CDKAL1: variants seen among roughly 807,000 people sequenced by gnomAD.
The protein encoded by CDKAL1 is CDKAL1 threonylcarbamoyladenosine tRNA methylthiotransferase.
In CDKAL1, 32 loss-of-function variants were observed where a neutral mutation model predicts 68.2. The observed-to-expected ratio is 0.47, with a 90% confidence interval of 0.35 to 0.63. The LOEUF is 0.63. Among genes scored for constraint, CDKAL1 ranks in the 30% least tolerant of loss-of-function variants. The pLI is 0.00. For synonymous variants in CDKAL1, 234 were observed against 244.3 expected, an observed-to-expected ratio of 0.96 and a Z score of 0.39; for missense variants, 606 against 696.7, an observed-to-expected ratio of 0.87 and a Z score of 1.47.
At chr6:20,537,824 TTTA>T (rs1286821776) in intron 2 of CDKAL1, among the ~76,000 whole-genome samples, 13 of 152,198 alleles carry the variant, frequency 8.5e-5, no homozygotes, top group Admixed American at 2.6e-4. Context: ...CTGCTTTCCT[TTTA>T]TTCTCAAACT....
intron 4 of CDKAL1, among the ~76,000 whole-genome samples, chr6:20,570,207 G>A (rs905528145): frequency 9.9e-5 from 15 of 152,000 alleles, no homozygotes; most frequent in South Asian, 6.2e-4. Flanking sequence ...GGGTTCAAGC[G>A]ATTCTCCTGC....
Position 20,548,680 on chromosome 6 carries a change from A to G in CDKAL1, c.261A>G (p.Leu87=), listed in dbSNP as rs1375453339. The part of the protein sequence containing the change: ...NSDGEYMAGQ[L]AAYGYKITEN... Reference sequence around the variant, plus strand: ...ATGGAGAATATATGGCTGGACAGCTAGCTGCTTATGGCTATAAAATTACAG... The same window carrying G: ...ATGGAGAATATATGGCTGGACAGCTGGCTGCTTATGGCTATAAAATTACAG... The change falls in exon 4 of 16, where the codon CTA becomes CTG. Residue 87 remains leucine, a synonymous_variant. Coordinates refer to ENST00000274695, the MANE Select transcript of CDKAL1 (RefSeq NM_017774.3). 3 of 1,559,696 alleles carry G rather than the reference A, an allele frequency of 1.9e-6. No individual in the cohort carries two copies. Among genetic ancestry groups the G allele is most frequent in the Middle Eastern group, 1.7e-4 (1 of 5,916 alleles).
chr6:20,563,402 T>C (rs1430020627), intron 4 of CDKAL1, among the ~76,000 whole-genome samples: 1 of 141,154 alleles, frequency 7.1e-6, no homozygotes, highest in Non-Finnish European at 1.6e-5. Context: ...CCAGAGAAGC[T>C]TTAGGGAGAG....
At chr6:21,190,964 A>G (rs1338893360) in intron 13 of CDKAL1, among the ~76,000 whole-genome samples, 1 of 152,244 alleles carries the variant, frequency 6.6e-6, no homozygotes, top group Non-Finnish European at 1.5e-5. Flanking sequence ...AGAAGAAAAA[A>G]AAGTTATAAA....
chr6:21,113,825 A>C (rs2150998620), intron 13 of CDKAL1, among the ~76,000 whole-genome samples: 1 of 151,904 alleles, frequency 6.6e-6, no homozygotes, highest in African/African-American at 2.4e-5. Context: ...CTGTAGTCCC[A>C]GGTACTTGAG....
chr6:20,773,985 C>A (rs1775062694), intron 7 of CDKAL1, among the ~76,000 whole-genome samples: 1 of 152,184 alleles, frequency 6.6e-6, no homozygotes, highest in Non-Finnish European at 1.5e-5. Context: ...AGGGTTCAGA[C>A]AAGTCTTTTC....
chr6:20,917,027 C>G (rs2150638706), intron 9 of CDKAL1, among the ~76,000 whole-genome samples: 1 of 152,282 alleles, frequency 6.6e-6, no homozygotes, highest in East Asian at 1.9e-4. Context: ...GTTGCCCAGG[C>G]TGAAGTGCAA....
chr6:21,176,696 G>GTTTTTT (rs1169908107), intron 13 of CDKAL1, among the ~76,000 whole-genome samples: 1 of 100,522 alleles, frequency 9.9e-6, no homozygotes, highest in Non-Finnish European at 2.1e-5. Flanking sequence ...TTTTTTTTTT[G>GTTTTTT]TTTTTTTTTT....
At chr6:20,631,153 G>A (rs566578697) in intron 4 of CDKAL1, among the ~76,000 whole-genome samples, 3 of 152,262 alleles carry the variant, frequency 2.0e-5, no homozygotes, top group African/African-American at 7.2e-5. Flanking sequence ...CTCTTTTGAA[G>A]TTCTGCCCAC....
At chr6:20,535,701 T>C (rs1184415628) in intron 2 of CDKAL1, among the ~76,000 whole-genome samples, 2 of 152,188 alleles carry the variant, frequency 1.3e-5, no homozygotes, top group East Asian at 1.9e-4. Flanking sequence ...GATTTTCCTT[T>C]ATCTGGCAGT....
At chr6:20,674,047 A>G (rs941752610) in intron 5 of CDKAL1, among the ~76,000 whole-genome samples, 1 of 151,964 alleles carries the variant, frequency 6.6e-6, no homozygotes, top group African/African-American at 2.4e-5. Flanking sequence ...ACTGGTTATT[A>G]CTTGTATATA....
intron 13 of CDKAL1, among the ~76,000 whole-genome samples, chr6:21,166,606 T>G (rs1306197473): frequency 1.3e-5 from 2 of 152,104 alleles, no homozygotes; most frequent in Non-Finnish European, 2.9e-5. Context: ...CAATCCAATC[T>G]CCTCATCTGA....
chr6:20,887,336 G>C (rs909018836), intron 9 of CDKAL1, among the ~76,000 whole-genome samples: 1 of 152,112 alleles, frequency 6.6e-6, no homozygotes, highest in African/African-American at 2.4e-5. Context: ...AGAGAAATTT[G>C]TCAAAATTAG....
intron 5 of CDKAL1, among the ~76,000 whole-genome samples, chr6:20,661,869 T>C (rs976805588): frequency 2.6e-5 from 4 of 152,310 alleles, no homozygotes; most frequent in African/African-American, 9.6e-5. Context: ...GCTGATAGCA[T>C]TGAAATACTT....
At chr6:20,573,475 C>A (rs1389946583) in intron 4 of CDKAL1, among the ~76,000 whole-genome samples, 1 of 152,024 alleles carries the variant, frequency 6.6e-6, no homozygotes, top group Non-Finnish European at 1.5e-5. Flanking sequence ...AGAAAGTATG[C>A]TGCATTTATT....
chr6:20,716,355 T>G (rs1302987595), intron 5 of CDKAL1, among the ~76,000 whole-genome samples: 1 of 152,184 alleles, frequency 6.6e-6, no homozygotes, highest in Non-Finnish European at 1.5e-5. Context: ...ACTTGAATGC[T>G]GTGGCAGAGC....
chr6:21,042,630 C>T (rs1030967541), intron 11 of CDKAL1, among the ~76,000 whole-genome samples: 2 of 152,176 alleles, frequency 1.3e-5, no homozygotes, highest in Non-Finnish European at 2.9e-5. Flanking sequence ...TACACTCCTT[C>T]CCCTACCTGC....
At chr6:20,785,304 A>G (rs1775620438) in intron 8 of CDKAL1, among the ~76,000 whole-genome samples, 1 of 138,578 alleles carries the variant, frequency 7.2e-6, no homozygotes. Flanking sequence ...ATTAGCTTGG[A>G]TTTCTTTTTC....
intron 11 of CDKAL1, among the ~76,000 whole-genome samples, chr6:21,003,343 A>AATATATATATATATACATATATACATAT (rs1554159045): frequency 2.5e-5 from 1 of 40,448 alleles, no homozygotes; most frequent in African/African-American, 8.9e-5. Context: ...ATCTCTACTA[A>AATATATATATATATACATATATACATAT]ATATATATAT....
Sources: allele counts gnomAD v4.1 joint callset (sites outside exome capture counted in the v4.1 genomes callset), GRCh38; gene constraint gnomAD v4.1.1; transcripts MANE v1.5; gene names NCBI Gene and HGNC (gene_info 2026-07-23, HGNC 2026-07-21).